Variants in TSPEAR observed in about 807,000 individuals in gnomAD.
TSPEAR encodes thrombospondin-type laminin G domain and EAR repeat-containing protein.
Under a neutral mutation model 71.6 loss-of-function variants are expected in TSPEAR, and 69 were observed. The ratio of observed to expected loss-of-function variants is 0.96; its 90% CI spans 0.79 to 1.18. TSPEAR has a LOEUF of 1.18. Ranked by LOEUF, TSPEAR falls within the 50% of genes most tolerant of loss-of-function variation. The pLI is 0.00. For missense variants in TSPEAR, 971 were observed against 894.9 expected (o/e 1.09, Z -1.09); for synonymous variants, 402 against 387.2 (o/e 1.04, Z -0.45).
intron 1 of TSPEAR, chr21:44,627,864 G>A (rs372169224): frequency 1.2e-6 from 2 of 1,613,180 alleles, no homozygotes; most frequent in Non-Finnish European, 8.5e-7. Context: ...CCTCCTCTGT[G>A]TCCCTCCTCT....
intron 1 of TSPEAR, among the ~76,000 whole-genome samples, chr21:44,641,977 C>T (rs1984045178): frequency 6.6e-6 from 1 of 152,126 alleles, no homozygotes; most frequent in Non-Finnish European, 1.5e-5. Context: ...CAAAAATCCA[C>T]AGACACCCAT....
At chr21:44,591,616 G>A (rs782632803) in intron 1 of TSPEAR, 17 of 1,613,304 alleles carry the variant, frequency 1.1e-5, no homozygotes, top group African/African-American at 2.7e-5. Context: ...GCAGCAAGCC[G>A]GCTGGCAGCT....
chr21:44,608,188 T>G (rs1392350936), intron 1 of TSPEAR, among the ~76,000 whole-genome samples: 1 of 152,196 alleles, frequency 6.6e-6, no homozygotes, highest in African/African-American at 2.4e-5. Flanking sequence ...TTTAAATAGG[T>G]ACCTTTTACA....
rs1336453452 is a variant in TSPEAR at position 44,514,206 on chromosome 21, G to A, written c.1567-4820C>T. ...CCACCCCCTTGACAGATGTGCAGAT[G>A]GAGACTCAGACACAGCCAGGCCTCA... is the stretch of plus-strand genomic sequence containing the variant. On this transcript the variant is annotated intron_variant, in intron 9 of 11. Coordinates refer to ENST00000323084, the MANE Select transcript of TSPEAR (RefSeq NM_144991.3). Among the ~76,000 whole-genome samples, 10 of 152,226 alleles carry A rather than the reference G, an allele frequency of 6.6e-5. 1 individual carries two copies. The highest frequency in any genetic ancestry group is 1.3e-4 in the Non-Finnish European group (9 of 68,042).
rs1482210731 is a variant in TSPEAR at position 44,677,821 on chromosome 21, C to T, written c.82+33612G>A. The T allele has an allele frequency of 3.1e-6, 4 of 1,292,930 alleles. No individual in the cohort carries two copies. In the East Asian group the frequency reaches 6.9e-5, roughly 22 times the overall value. 80.1% of individuals were successfully genotyped at this position (1,292,930 alleles called of 1,614,324 possible). On this transcript the variant is annotated intron_variant, in intron 1 of 11. Coordinates refer to ENST00000323084, the MANE Select transcript of TSPEAR (RefSeq NM_144991.3). ...ACATTATAAGGTGCAGAACCAAGAA[C>T]CACCTCGAAGAGTTTGTCTGAGTAA...
intron 1 of TSPEAR, among the ~76,000 whole-genome samples, chr21:44,663,916 A>G (rs1555944207): frequency 1.1e-4 from 16 of 152,120 alleles, no homozygotes. Context: ...TTCAACATCC[A>G]TTCAGAATAA....
At chr21:44,534,518 G>A (rs1274272858) in intron 2 of TSPEAR, among the ~76,000 whole-genome samples, 1 of 151,854 alleles carries the variant, frequency 6.6e-6, no homozygotes, top group Non-Finnish European at 1.5e-5. Context: ...GGGCTGCTGG[G>A]CCAGGGGCAA....
At chr21:44,697,805 G>A (rs1555950960) in intron 1 of TSPEAR, 3 of 1,613,166 alleles carry the variant, frequency 1.9e-6, no homozygotes, top group Middle Eastern at 1.7e-4. Context: ...CTGCCGCCCT[G>A]TGTGCAGACC....
intron 1 of TSPEAR, among the ~76,000 whole-genome samples, chr21:44,692,111 T>A (rs1436998774): frequency 6.6e-6 from 1 of 152,174 alleles, no homozygotes; most frequent in Non-Finnish European, 1.5e-5. Context: ...AAAACCCACA[T>A]GATCTCAATT....
At chr21:44,608,574 T>C (rs1274332658) in intron 1 of TSPEAR, among the ~76,000 whole-genome samples, 2 of 152,214 alleles carry the variant, frequency 1.3e-5, no homozygotes, top group Non-Finnish European at 2.9e-5. Flanking sequence ...CAAGTAGCCA[T>C]ATTTTAGAAA....
At chr21:44,571,500 C>G (rs1231877302) in intron 1 of TSPEAR, among the ~76,000 whole-genome samples, 2 of 152,194 alleles carry the variant, frequency 1.3e-5, no homozygotes, top group African/African-American at 4.8e-5. Flanking sequence ...GCTGGGAAAG[C>G]AACACCCCAG....
intron 11 of TSPEAR, among the ~76,000 whole-genome samples, chr21:44,501,939 C>A (rs1555911147): frequency 3.3e-5 from 5 of 152,190 alleles, no homozygotes; most frequent in Admixed American, 1.3e-4. Context: ...TGTTAGGCTT[C>A]ATTTTAAACT....
At chr21:44,677,769 G>C in intron 1 of TSPEAR, 1 of 1,330,098 alleles carries the variant, frequency 7.5e-7, no homozygotes, top group Non-Finnish European at 1.1e-6. Flanking sequence ...TAGTGGACCA[G>C]ACTGAGTTGA....
At position 44,711,495 on chromosome 21, in the gene TSPEAR, A is replaced by C. The variant is rs1317377083; in HGVS notation, c.20T>G (p.Leu7Arg). The change falls in exon 1 of 12, where the codon CTG (leucine) becomes CGG (arginine). Residue 7 changes from leucine to arginine, a missense_variant. By Grantham distance (102) the Leu-to-Arg change is moderately radical. Coordinates refer to ENST00000323084, the MANE Select transcript of TSPEAR (RefSeq NM_144991.3). This position sits in a 1 kb window ranked among gnomAD's most constrained non-coding sequence, Gnocchi z 4.5. Reference protein sequence around the residue: MSALLSLCFVLPLAAPG... With the variant: MSALLSRCFVLPLAAPG... ...GGCCGCCAGGGGCAGCACAAAACAC[A>C]GACTCAGCAGGGCAGACATGAGGGG... 6 of 1,611,856 alleles carry C rather than the reference A, an allele frequency of 3.7e-6. No homozygotes were observed. In the African/African-American group the frequency reaches 8.0e-5, roughly 22 times the overall value.
chr21:44,654,861 G>A (rs587597643), intron 1 of TSPEAR, among the ~76,000 whole-genome samples: 147 of 152,154 alleles, frequency 9.7e-4, no homozygotes, highest in South Asian at 3.7e-3. Flanking sequence ...GTGTTTCCTG[G>A]AAACAGAGCA....
At chr21:44,528,395 TC>T in intron 6 of TSPEAR, 56 bp downstream of exon 6, 3 of 1,608,042 alleles carry the variant, frequency 1.9e-6, no homozygotes, top group Non-Finnish European at 2.5e-6. Flanking sequence ...CCACTCCCAG[TC>T]ACACTGTGCC....
At chr21:44,677,109 C>A (rs187682423) in intron 1 of TSPEAR, 4 of 716,492 alleles carry the variant, frequency 5.6e-6, no homozygotes, top group African/African-American at 3.5e-5. Flanking sequence ...CTGCTTGGAC[C>A]TTTTTGACCA....
chr21:44,556,272 A>G (rs1324170181), intron 2 of TSPEAR, among the ~76,000 whole-genome samples: 2 of 151,874 alleles, frequency 1.3e-5, no homozygotes, highest in African/African-American at 4.8e-5. Context: ...GCTATTCAGG[A>G]GGCTGAGGGA....
intron 2 of TSPEAR, among the ~76,000 whole-genome samples, chr21:44,549,369 C>A (rs1418850469): frequency 3.9e-5 from 6 of 152,210 alleles, no homozygotes; most frequent in African/African-American, 1.4e-4. Flanking sequence ...CAAGAGGTAT[C>A]GTTTGTAATA....
Sources: gnomAD v4.1 joint callset for allele counts (sites outside exome capture counted in the v4.1 genomes callset) on GRCh38, gnomAD v4.1.1 for gene constraint, Gnocchi (gnomAD v3.1) non-coding constraint, MANE v1.5 for transcripts, NCBI Gene and HGNC (gene_info 2026-07-23, HGNC 2026-07-21) for gene names.